FOXP2: variants seen among roughly 807,000 people sequenced by gnomAD.
FOXP2 encodes the protein forkhead box protein P2.
FOXP2 carries 12 observed loss-of-function variants against 115.8 expected under a neutral mutation model. The observed-to-expected ratio is 0.10, with a 90% CI of 0.07 to 0.17. The LOEUF (loss-of-function observed/expected upper bound fraction) is 0.17, where lower values mean the gene tolerates loss of function less well. Among genes scored for constraint, FOXP2 ranks in the 10% least tolerant of loss-of-function variants. The pLI is 1.00. For missense variants in FOXP2, 629 were observed against 843.5 expected, an observed-to-expected ratio of 0.75 and a Z score of 3.15; for synonymous variants, 328 against 297.7, an observed-to-expected ratio of 1.10 and a Z score of -1.05.
At chr7:114,146,029 G>T (rs1792360320) in intron 1 of FOXP2, among the ~76,000 whole-genome samples, 1 of 152,064 alleles carries the variant, frequency 6.6e-6, no homozygotes, top group Non-Finnish European at 1.5e-5. Flanking sequence ...TCTGTAGAGT[G>T]GTGGGTTTCA....
chr7:114,507,978 A>T (rs1797904207), intron 2 of FOXP2, among the ~76,000 whole-genome samples: 1 of 152,004 alleles, frequency 6.6e-6, no homozygotes, highest in African/African-American at 2.4e-5. Context: ...AACATTCAGC[A>T]TTCATCCAAA....
chr7:114,590,637 C>G (rs1436850681), intron 3 of FOXP2, among the ~76,000 whole-genome samples: 1 of 152,120 alleles, frequency 6.6e-6, no homozygotes, highest in African/African-American at 2.4e-5. Flanking sequence ...GTCCGTCTTG[C>G]TCTGAAATTT....
chr7:114,176,298 TTC>T (rs1554426487), intron 1 of FOXP2, among the ~76,000 whole-genome samples: 1,494 of 76,544 alleles, frequency 0.02, 27 homozygotes, highest in East Asian at 0.03. Context: ...CTTTCTTTCT[TTC>T]TCTCTCTCTC....
chr7:114,409,034 A>T (rs976087816), intron 2 of FOXP2, among the ~76,000 whole-genome samples: 1 of 152,114 alleles, frequency 6.6e-6, no homozygotes, highest in Admixed American at 6.6e-5. Flanking sequence ...ATTTTGTTAG[A>T]TAAAAGTTTT....
At chr7:114,514,422 C>A (rs968777936) in intron 2 of FOXP2, among the ~76,000 whole-genome samples, 1 of 151,870 alleles carries the variant, frequency 6.6e-6, no homozygotes, top group Non-Finnish European at 1.5e-5. Flanking sequence ...AATCCCTTAT[C>A]CCCCTAGCCT....
intron 2 of FOXP2, among the ~76,000 whole-genome samples, chr7:114,334,209 T>G (rs1797784109): frequency 6.6e-6 from 1 of 152,136 alleles, no homozygotes; most frequent in Non-Finnish European, 1.5e-5. Context: ...TGTGTATCAT[T>G]GAAAGTAATA....
At chr7:114,626,628 C>A (rs930887338) in intron 3 of FOXP2, among the ~76,000 whole-genome samples, 1 of 151,494 alleles carries the variant, frequency 6.6e-6, no homozygotes, top group Non-Finnish European at 1.5e-5. Flanking sequence ...GATTGACAGC[C>A]TTTTTAGTTT....
intron 2 of FOXP2, among the ~76,000 whole-genome samples, chr7:114,346,030 A>T (rs1395414789): frequency 1.3e-5 from 2 of 151,834 alleles, no homozygotes; most frequent in Admixed American, 6.6e-5. Context: ...CACAAAGATA[A>T]TTGATTACTC....
At chr7:114,413,403 T>TA (rs138597622), upstream of FOXP2, among the ~76,000 whole-genome samples, 18,304 of 152,030 alleles carry the variant, frequency 0.12, 1,315 homozygotes, top group African/African-American at 0.2. Flanking sequence ...CACAATCTGA[T>TA]AAAAAAATGT....
At chr7:114,626,190 T>C (rs1804571854) in intron 3 of FOXP2, among the ~76,000 whole-genome samples, 1 of 151,816 alleles carries the variant, frequency 6.6e-6, no homozygotes, top group Admixed American at 6.6e-5. Flanking sequence ...ATCATCTAAC[T>C]TGTGTAGTGT....
intron 2 of FOXP2, among the ~76,000 whole-genome samples, chr7:114,332,366 G>A (rs1052305353): frequency 2.6e-5 from 4 of 152,074 alleles, no homozygotes; most frequent in Admixed American, 1.3e-4. Flanking sequence ...GTAACAAACC[G>A]TGGTGATTTG....
Position 114,664,333 on chromosome 7 carries a change from T to C in FOXP2, c.1900T>C (p.Ser634Pro). ...TAATCCTGGACTGATAAATAATGCATCCAGTGGCCTACTGCAGGCCGTCCA... is the reference window on the plus strand; with the variant it reads ...TAATCCTGGACTGATAAATAATGCACCCAGTGGCCTACTGCAGGCCGTCCA... ...LSNPGLINNA[S>P]SGLLQAVHED... Residue 634 changes from serine (S) to proline (P), a missense_variant, in exon 16 of 17, where the codon TCC becomes CCC. By Grantham distance (74) the Ser-to-Pro change is moderately conservative. Around this residue, in one of 9 missense-constraint regions of FOXP2, gnomAD observed 117 missense variants for 112.3 expected, o/e 1.04. Coordinates refer to ENST00000350908, the MANE Select transcript of FOXP2 (RefSeq NM_014491.4). 6.2e-7 allele frequency: 1 copy of C among 1,613,642 alleles called. No individual in the cohort carries two copies. The highest frequency in any genetic ancestry group is 1.7e-5 in the Admixed American group (1 of 59,914).
At chr7:114,679,203 G>T (rs1362799094) in intron 16 of FOXP2, among the ~76,000 whole-genome samples, 1 of 151,782 alleles carries the variant, frequency 6.6e-6, no homozygotes, top group Non-Finnish European at 1.5e-5. Context: ...GACCTCATGT[G>T]ATCTGCCCAC....
chr7:114,317,955 A>G (rs1797312344), intron 2 of FOXP2, among the ~76,000 whole-genome samples: 2 of 152,000 alleles, frequency 1.3e-5, no homozygotes, highest in African/African-American at 4.8e-5. Context: ...ATTTATCTGC[A>G]TGGCTAACTC....
intron 1 of FOXP2, among the ~76,000 whole-genome samples, chr7:114,243,309 A>G (rs2129167984): frequency 6.6e-6 from 1 of 152,142 alleles, no homozygotes; most frequent in East Asian, 1.9e-4. Flanking sequence ...TTAAGGGGAA[A>G]GAGAGGTATA....
chr7:114,678,208 T>C (rs1807880101), intron 16 of FOXP2, among the ~76,000 whole-genome samples: 1 of 152,180 alleles, frequency 6.6e-6, no homozygotes, highest in South Asian at 2.1e-4. Context: ...TTCAACCTAG[T>C]ATTGAGCAGA....
chr7:114,310,312 A>G (rs982755871), intron 2 of FOXP2, among the ~76,000 whole-genome samples: 2 of 152,180 alleles, frequency 1.3e-5, no homozygotes, highest in African/African-American at 4.8e-5. Flanking sequence ...TATAAAATTG[A>G]GATGCCACTA....
chr7:114,380,567 G>C (rs1792264751), intron 2 of FOXP2, among the ~76,000 whole-genome samples: 1 of 152,224 alleles, frequency 6.6e-6, no homozygotes, highest in Non-Finnish European at 1.5e-5. Context: ...CTTGTTGACA[G>C]TTCCGTTCTA....
chr7:114,499,858 A>G (rs946225598), intron 2 of FOXP2: 3 of 152,186 alleles, frequency 2.0e-5, no homozygotes, highest in African/African-American at 4.8e-5. Context: ...AACTATACCA[A>G]ATTTTGCCAG....
Sources: gnomAD v4.1 joint callset for allele counts (sites outside exome capture counted in the v4.1 genomes callset) on GRCh38, gnomAD v4.1.1 for gene constraint, gnomAD v4.1.1 regional missense constraint, MANE v1.5 for transcripts, NCBI Gene and HGNC (gene_info 2026-07-23, HGNC 2026-07-21) for gene names.